The following DHX40 variants were observed in gnomAD, a reference collection of about 807,000 sequenced individuals.
DHX40 encodes the protein probable ATP-dependent RNA helicase DHX40.
DHX40 carries 28 observed loss-of-function variants against 89.6 expected under a neutral mutation model. That is an observed-to-expected ratio of 0.31 (90% CI 0.23 to 0.43). The LOEUF (loss-of-function observed/expected upper bound fraction) is 0.43, where lower values mean the gene tolerates loss of function less well. DHX40 is among the 20% of genes least tolerant of loss of function. The pLI is 1.00. For synonymous variants in DHX40, 226 were observed against 283.6 expected, an observed-to-expected ratio of 0.80 and a Z score of 2.04; for missense variants, 457 against 844.0, an observed-to-expected ratio of 0.54 and a Z score of 5.68.
intron 2 of DHX40, among the ~76,000 whole-genome samples, chr17:59,567,255 TAGG>T (rs2048719419): frequency 6.6e-6 from 1 of 152,148 alleles, no homozygotes; most frequent in Non-Finnish European, 1.5e-5. Flanking sequence ...GTAAAGTTAA[TAGG>T]AGGCCTTTGG....
intron 2 of DHX40, 41 bp from the exon 3 acceptor site, chr17:59,570,477 T>C (rs1451340757): frequency 4.5e-6 from 7 of 1,556,160 alleles, no homozygotes; most frequent in Non-Finnish European, 6.1e-6. Context: ...AGGAAGACAA[T>C]TGCTAACATT....
Position 59,568,711 on chromosome 17 carries a change from A to G in DHX40, c.281-1807A>G, listed in dbSNP as rs144223712. On this transcript the variant is annotated intron_variant, in intron 2 of 17. Transcript: ENST00000251241. ...TTTGGACCTCCACTGACTGTAGGTA[A>G]CTGAAAAATTGGAAAGCAAAACCAA... Among the ~76,000 whole-genome samples the G allele has an allele frequency of 3.7e-4, 57 of 152,184 alleles. No individual in the cohort carries two copies. In the South Asian group the frequency reaches 4.2e-3, roughly 11 times the overall value.
At chr17:59,585,774 AATTAATATTTCTCTACT>A (rs1395566903) in intron 10 of DHX40, among the ~76,000 whole-genome samples, 6 of 105,870 alleles carry the variant, frequency 5.7e-5, no homozygotes, top group Admixed American at 3.6e-4. Flanking sequence ...TTTCAGTACT[AATTAATATTTCTCTACT>A]ATTAATATTT....
intron 13 of DHX40, 151 bp downstream of exon 13, chr17:59,599,002 GACT>G: frequency 3.4e-6 from 2 of 596,016 alleles, no homozygotes; most frequent in East Asian, 5.8e-5. Context: ...TATGTCAGAT[GACT>G]ATTGCTTAGT....
Position 59,587,950 on chromosome 17 carries a change from A to G in DHX40, c.1479A>G (p.Pro493=), listed in dbSNP as rs755088046. The G allele has an allele frequency of 4.0e-5, 64 of 1,613,630 alleles. No individual in the cohort carries two copies. The highest frequency in any genetic ancestry group is 4.8e-5 in the Non-Finnish European group (57 of 1,179,804). The change falls in exon 12 of 18, where the codon CCA becomes CCG. Residue 493 remains proline, a synonymous_variant. Transcript: ENST00000251241. ...CTATGGTGGAGTTTCCTTTGCCTCCACATCTGACATGTGCAGTAATAAAAG... is the reference window on the plus strand; with the variant it reads ...CTATGGTGGAGTTTCCTTTGCCTCCGCATCTGACATGTGCAGTAATAAAAG... ...GLSMVEFPLP[P]HLTCAVIKAA... is the part of the protein sequence containing the mutation.
In DHX40 at chr17:59,588,015, C is replaced by T. The variant is rs776066618; in HGVS notation, c.1544C>T (p.Ala515Val). 1.2e-6 allele frequency: 2 copies of T among 1,613,538 alleles called. No individual in the cohort carries two copies. The highest frequency in any genetic ancestry group is 1.7e-6 in the Non-Finnish European group (2 of 1,179,752). The change falls in exon 12 of 18, where the codon GCA (alanine) becomes GTA (valine). Residue 515 changes from alanine to valine, a missense_variant. Ala to Val is a moderately conservative substitution (Grantham distance 64). This residue lies in a region of DHX40 where 19 missense variants were observed against 24.2 expected (regional missense o/e 0.78). Coordinates refer to ENST00000251241, the MANE Select transcript of DHX40 (RefSeq NM_024612.5). ...LDCEDLLLPI[A>V]AMLSVENVFI... ...TGTGAAGATCTACTACTTCCAATAG[C>T]AGCAATGTTGTCTGTGGAAAACGTC...
At chr17:59,594,718 G>A (rs1297133097) in intron 12 of DHX40, among the ~76,000 whole-genome samples, 4 of 152,112 alleles carry the variant, frequency 2.6e-5, no homozygotes, top group Admixed American at 1.3e-4. Context: ...AGAGGACTGC[G>A]TAGGCTGTCA....
chr17:59,606,963 C>CT, intron 17 of DHX40, 70 bp from the exon 18 acceptor site: 1 of 1,399,664 alleles, frequency 7.1e-7, no homozygotes, highest in Non-Finnish European at 9.8e-7. Flanking sequence ...CAGGGCTTCT[C>CT]TTTCTCTTAA....
intron 2 of DHX40, among the ~76,000 whole-genome samples, chr17:59,569,683 C>T (rs1341190786): frequency 7.3e-6 from 1 of 137,306 alleles, no homozygotes; most frequent in Non-Finnish European, 1.5e-5. Context: ...AATACTCCGT[C>T]TCAAAAAAGA....
chr17:59,586,988 A>G (rs1255199961), intron 11 of DHX40, among the ~76,000 whole-genome samples: 1 of 152,030 alleles, frequency 6.6e-6, no homozygotes, highest in Non-Finnish European at 1.5e-5. Flanking sequence ...ACCCATCTCT[A>G]CTGAAAATAC....
At chr17:59,568,856 A>C (rs958458051) in intron 2 of DHX40, among the ~76,000 whole-genome samples, 1 of 149,640 alleles carries the variant, frequency 6.7e-6, no homozygotes, top group African/African-American at 2.4e-5. Context: ...ATATATATAA[A>C]TATAGATATA....
chr17:59,600,234 C>A (rs2030406839), intron 14 of DHX40, among the ~76,000 whole-genome samples: 1 of 151,956 alleles, frequency 6.6e-6, no homozygotes, highest in South Asian at 2.1e-4. Flanking sequence ...CACTTAATGT[C>A]ATCAGTAGGT....
intron 14 of DHX40, among the ~76,000 whole-genome samples, chr17:59,600,487 C>A (rs1456017149): frequency 6.7e-6 from 1 of 149,776 alleles, no homozygotes; most frequent in Admixed American, 6.6e-5. Flanking sequence ...GGTCTGGCAT[C>A]TTTTACTCCT....
intron 10 of DHX40, among the ~76,000 whole-genome samples, chr17:59,585,590 G>A (rs1424136696): frequency 6.7e-6 from 1 of 149,004 alleles, no homozygotes; most frequent in Non-Finnish European, 1.5e-5. Context: ...AGGCGTGGTG[G>A]CATGTGCCTG....
At chr17:59,570,256 AT>A (rs1598136911) in intron 2 of DHX40, among the ~76,000 whole-genome samples, 1 of 125,386 alleles carries the variant, frequency 8.0e-6, no homozygotes, top group Admixed American at 9.7e-5. Context: ...TAATATATAA[AT>A]ATATATAATA....
intron 2 of DHX40, among the ~76,000 whole-genome samples, chr17:59,570,247 A>T (rs907900194): frequency 3.5e-4 from 45 of 129,876 alleles, no homozygotes; most frequent in African/African-American, 1.2e-3. Flanking sequence ...TAATATATAT[A>T]ATATATAAAT....
chr17:59,589,549 TTTAA>T (rs1268891854), intron 12 of DHX40, among the ~76,000 whole-genome samples: 1 of 137,344 alleles, frequency 7.3e-6, no homozygotes, highest in Non-Finnish European at 1.6e-5. Context: ...GGGATTATGT[TTTAA>T]TTAAGATAGA....
chr17:59,607,024 T>C lies in DHX40; in HGVS notation c.2201-9T>C. On this transcript the variant is annotated splice_polypyrimidine_tract_variant and intron_variant, in intron 17 of 17. Coordinates refer to ENST00000251241, the MANE Select transcript of DHX40 (RefSeq NM_024612.5). Reference sequence around the variant, plus strand: ...TAAGTTTTATTGGATTAATTTGTAATGTTTTCAGATGGAATATCGAAAGAC... The same window carrying C: ...TAAGTTTTATTGGATTAATTTGTAACGTTTTCAGATGGAATATCGAAAGAC... The C allele has an allele frequency of 6.2e-7, 1 of 1,608,692 alleles. No individual in the cohort carries two copies. The highest frequency in any genetic ancestry group is 8.5e-7 in the Non-Finnish European group (1 of 1,176,810).
chr17:59,583,490 GT>G (rs2048963203), intron 10 of DHX40, among the ~76,000 whole-genome samples: 1 of 112,336 alleles, frequency 8.9e-6, no homozygotes, highest in Non-Finnish European at 2.1e-5. Flanking sequence ...TATATCCTGT[GT>G]TTGGGATGTA....
Sources: allele counts gnomAD v4.1 joint callset (sites outside exome capture counted in the v4.1 genomes callset), GRCh38; gene constraint gnomAD v4.1.1; regional missense constraint gnomAD v4.1.1; transcripts MANE v1.5; gene names NCBI Gene and HGNC (gene_info 2026-07-23, HGNC 2026-07-21).